TTC9C: variants seen among roughly 807,000 people sequenced by gnomAD.
TTC9C encodes the protein tetratricopeptide repeat protein 9C.
In TTC9C, 15 loss-of-function variants were observed where a neutral mutation model predicts 22.5. That is an observed-to-expected ratio of 0.67 (90% CI 0.45 to 1.03). The LOEUF is 1.03. Ranked by LOEUF, TTC9C falls within the 50% of genes least tolerant of loss-of-function variation. TTC9C has a pLI of 0.00. For missense variants in TTC9C, 244 were observed against 214.6 expected (o/e 1.14, Z -0.86); for synonymous variants, 92 against 86.8 (o/e 1.06, Z -0.33).
intron 1 of TTC9C, among the ~76,000 whole-genome samples, chr11:62,733,882 C>G (rs2083880437): frequency 6.6e-6 from 1 of 152,012 alleles, no homozygotes; most frequent in African/African-American, 2.4e-5. Context: ...ATCCCAGTTA[C>G]TCAGGAGGCT....
chr11:62,730,665 C>T (rs2083838146), intron 1 of TTC9C, among the ~76,000 whole-genome samples: 1 of 152,158 alleles, frequency 6.6e-6, no homozygotes, highest in Admixed American at 6.5e-5. Context: ...CCTCCGCCTC[C>T]CGGGTTCAAG....
At position 62,738,308 on chromosome 11, in the gene TTC9C, C is replaced by T; in HGVS notation, c.442C>T (p.Leu148Phe). 6.2e-7 allele frequency: 1 copy of T among 1,612,562 alleles called. No individual in the cohort carries two copies. Among genetic ancestry groups the T allele is most frequent in the African/African-American group, 1.3e-5 (1 of 75,004 alleles). ...QPKDANVRRY[L>F]QLTQSELSSY... ...CCAAGATGCCAACGTCCGGCGGTAC[C>T]TCCAGCTGACACAGTCAGAACTCAG... Residue 148 changes from leucine (L) to phenylalanine (F), a missense_variant, in exon 3 of 3, where the codon CTC becomes TTC. By Grantham distance (22) the Leu-to-Phe change is conservative. Coordinates refer to ENST00000316461, the MANE Select transcript of TTC9C (RefSeq NM_173810.4).
intron 1 of TTC9C, among the ~76,000 whole-genome samples, chr11:62,733,428 A>C (rs961282279): frequency 1.3e-5 from 2 of 150,870 alleles, no homozygotes; most frequent in African/African-American, 4.9e-5. Flanking sequence ...AGATTAAACA[A>C]GACAGTGTAT....
At chr11:62,735,021 C>T (rs1021808222) in intron 1 of TTC9C, among the ~76,000 whole-genome samples, 11 of 152,270 alleles carry the variant, frequency 7.2e-5, no homozygotes, top group Middle Eastern at 3.4e-3. Context: ...CTCACCCTCC[C>T]GAGTAGCTGG....
In TTC9C at chr11:62,736,414, G is replaced by A. The variant is rs969762857; in HGVS notation, c.421+850G>A. Among the ~76,000 whole-genome samples the A allele has an allele frequency of 1.3e-4, 20 of 152,158 alleles. 1 individual carries two copies. Among genetic ancestry groups the A allele is most frequent in the Non-Finnish European group, 2.1e-4 (14 of 68,014 alleles). ...AAAATACAAAAATCAGCCGGGTGTG[G>A]CCGGGCGCAGTGGCTCACACCTGTA... On this transcript the variant is annotated intron_variant, in intron 2 of 2. Coordinates refer to ENST00000316461, the MANE Select transcript of TTC9C (RefSeq NM_173810.4).
At chr11:62,732,544 A>T (rs2134810108) in intron 1 of TTC9C, among the ~76,000 whole-genome samples, 1 of 150,944 alleles carries the variant, frequency 6.6e-6, no homozygotes, top group Middle Eastern at 3.4e-3. Context: ...TGGGAGGCGG[A>T]GGTTGTGGTG....
intron 2 of TTC9C, among the ~76,000 whole-genome samples, chr11:62,736,404 G>A (rs559763222): frequency 6.6e-6 from 1 of 151,922 alleles, no homozygotes; most frequent in South Asian, 2.1e-4. Flanking sequence ...ACAAAAATCA[G>A]CCGGGTGTGG....
chr11:62,732,223 C>T (rs1290449345), intron 1 of TTC9C, among the ~76,000 whole-genome samples: 1 of 151,942 alleles, frequency 6.6e-6, no homozygotes, highest in Non-Finnish European at 1.5e-5. Context: ...TCTCGATCTC[C>T]TGACCTCATG....
intron 1 of TTC9C, among the ~76,000 whole-genome samples, chr11:62,730,950 G>A (rs1338952994): frequency 2.0e-5 from 3 of 150,504 alleles, no homozygotes; most frequent in Non-Finnish European, 4.4e-5. Flanking sequence ...GTGCAGTGGC[G>A]TGATCTCAGC....
rs2083795484 is a variant in TTC9C at position 62,728,609 on chromosome 11, T to G, written c.-240T>G. The G allele has an allele frequency of 3.1e-6, 2 of 645,578 alleles. No individual in the cohort carries two copies. The highest frequency in any genetic ancestry group is 1.8e-5 in the African/African-American group (1 of 56,220). The allele number at this position is 645,578 out of a possible 1,614,324, so 40.0% of individuals were successfully genotyped here. On this transcript the variant is annotated 5_prime_UTR_variant, in exon 1 of 3. Transcript: ENST00000316461. ...AGTCACTTAATGTTGGGCTTCATTA[T>G]TCCCACATCCCTTTCCTTACTACTT...
chr11:62,734,344 A>G (rs1463171394), intron 1 of TTC9C, among the ~76,000 whole-genome samples: 1 of 152,004 alleles, frequency 6.6e-6, no homozygotes, highest in Non-Finnish European at 1.5e-5. Flanking sequence ...TCATGCCTAT[A>G]ATCCCAGTAC....
intron 1 of TTC9C, among the ~76,000 whole-genome samples, chr11:62,731,924 A>ATCC (rs2083854997): frequency 7.0e-6 from 1 of 142,354 alleles, no homozygotes; most frequent in African/African-American, 2.6e-5. Flanking sequence ...TGACCTAGTG[A>ATCC]TCCTCCCGCC....
intron 1 of TTC9C, among the ~76,000 whole-genome samples, chr11:62,729,331 A>T (rs903009591): frequency 2.0e-5 from 3 of 151,974 alleles, no homozygotes; most frequent in Non-Finnish European, 4.4e-5. Flanking sequence ...AGAGATTCGG[A>T]TGGGTCTGAC....
At chr11:62,738,242 T>A in intron 2 of TTC9C, 46 bp from the exon 3 acceptor site, 1 of 1,253,930 alleles carries the variant, frequency 8.0e-7, no homozygotes, top group African/African-American at 1.5e-5. Context: ...ATTATGGTCT[T>A]AACTGACTCT....
chr11:62,736,969 G>A (rs966184645), intron 2 of TTC9C, among the ~76,000 whole-genome samples: 6 of 151,968 alleles, frequency 3.9e-5, no homozygotes, highest in African/African-American at 1.5e-4. Context: ...AGGCCAAGGT[G>A]GGCGGATCAT....
At position 62,736,695 on chromosome 11, in the gene TTC9C, GA is replaced by G. The variant is rs562358754; in HGVS notation, c.421+1145del. 3.4e-3 allele frequency among the ~76,000 whole-genome samples: 460 copies of G among 135,492 alleles called. 1 individual carries two copies. The highest frequency in any genetic ancestry group is 4.1e-3 in the Non-Finnish European group (254 of 62,578). The allele number at this position is 135,492 out of a possible 152,430, so 88.9% of individuals were successfully genotyped here. A position where few individuals can be genotyped will look rare whatever the true frequency, so the allele number is the denominator to read the frequency against. On this transcript the variant is annotated intron_variant, in intron 2 of 2. Coordinates refer to ENST00000316461, the MANE Select transcript of TTC9C (RefSeq NM_173810.4). ...GGGGACAGAGGGCGGCTCCGTCTCG[GA>G]AAAAAAAAAAAAAGCTGGGCGTGAT...
intron 2 of TTC9C, among the ~76,000 whole-genome samples, chr11:62,737,458 TGTTG>T (rs749632314): frequency 4.6e-5 from 7 of 152,146 alleles, no homozygotes; most frequent in Admixed American, 2.0e-4. Flanking sequence ...CTCATTCCTG[TGTTG>T]GTTGGTTGAG....
In TTC9C at chr11:62,728,630, T is replaced by C. The variant is rs1160624162; in HGVS notation, c.-219T>C. 1 of 677,068 alleles carries C rather than the reference T, an allele frequency of 1.5e-6. No individual in the cohort carries two copies. The highest frequency in any genetic ancestry group is 2.9e-5 in the East Asian group (1 of 34,982). 41.9% of individuals were successfully genotyped at this position (677,068 alleles called of 1,614,324 possible). A position where few individuals can be genotyped will look rare whatever the true frequency, so the allele number is the denominator to read the frequency against. On this transcript the variant is annotated 5_prime_UTR_variant, in exon 1 of 3. Transcript: ENST00000316461. Reference sequence around the variant, plus strand: ...ATTATTCCCACATCCCTTTCCTTACTACTTGCCTGCACTTCTTGAGAAAAA... The same window carrying C: ...ATTATTCCCACATCCCTTTCCTTACCACTTGCCTGCACTTCTTGAGAAAAA...
chr11:62,728,440 T>C (rs781367213), upstream of TTC9C: 1 of 459,062 alleles, frequency 2.2e-6, no homozygotes, highest in South Asian at 1.6e-5. Flanking sequence ...CACTCCCTTC[T>C]ACTTCCAGGT....
Sources: allele counts gnomAD v4.1 joint callset (sites outside exome capture counted in the v4.1 genomes callset), GRCh38; gene constraint gnomAD v4.1.1; transcripts MANE v1.5; gene names NCBI Gene and HGNC (gene_info 2026-07-23, HGNC 2026-07-21).